The following FRMPD4 variants were observed in gnomAD, a reference collection of about 807,000 sequenced individuals.
The protein encoded by FRMPD4 is FERM and PDZ domain-containing protein 4.
In FRMPD4, 22 loss-of-function variants were observed where a neutral mutation model predicts 94.1. That is an observed-to-expected ratio of 0.23 (90% CI 0.17 to 0.33). FRMPD4 has a LOEUF of 0.33. Ranked by LOEUF, FRMPD4 falls within the 10% of genes least tolerant of loss-of-function variation. The pLI, the probability that FRMPD4 is intolerant of heterozygous loss-of-function variation, is 1.00. For missense variants in FRMPD4, 1,111 were observed against 1,339.9 expected, an observed-to-expected ratio of 0.83 and a Z score of 2.67; for synonymous variants, 631 against 548.6, an observed-to-expected ratio of 1.15 and a Z score of -2.10.
intron 2 of FRMPD4, among the ~76,000 whole-genome samples, chrX:12,576,917 C>T (rs917013838): frequency 5.4e-5 from 6 of 112,040 alleles, no homozygotes; most frequent in African/African-American, 1.9e-4. Flanking sequence ...TGTCTGTCAC[C>T]TGGACTGGTC....
At chrX:12,309,929 G>C (rs2055005238) in intron 1 of FRMPD4, among the ~76,000 whole-genome samples, 2 of 112,212 alleles carry the variant, frequency 1.8e-5, no homozygotes, top group Admixed American at 9.4e-5. Context: ...TGCTTGTGCA[G>C]GAGCAAAGCT....
At chrX:12,186,904 C>G (rs1048074367) in intron 1 of FRMPD4, among the ~76,000 whole-genome samples, 1 of 111,925 alleles carries the variant, frequency 8.9e-6, no homozygotes, top group African/African-American at 3.3e-5. Flanking sequence ...TAACCTTTCT[C>G]TTATGTCTCG....
intron 3 of FRMPD4, among the ~76,000 whole-genome samples, chrX:11,968,226 G>A (rs2054321718): frequency 9.0e-6 from 1 of 111,588 alleles, no homozygotes; most frequent in East Asian, 2.8e-4. Context: ...TCTAGTTCAT[G>A]ATAAAAGCTA....
At chrX:12,306,181 C>G (rs989617022) in intron 1 of FRMPD4, among the ~76,000 whole-genome samples, 1 of 110,485 alleles carries the variant, frequency 9.1e-6, no homozygotes, top group African/African-American at 3.3e-5. Flanking sequence ...GCTATTTTTA[C>G]AGAAATTATT....
At chrX:12,332,639 A>G (rs1023489171) in intron 1 of FRMPD4, among the ~76,000 whole-genome samples, 3 of 111,683 alleles carry the variant, frequency 2.7e-5, no homozygotes, top group African/African-American at 9.7e-5. Context: ...TTTTCACCCA[A>G]ACTTGAATTG....
At chrX:11,901,107 G>C (rs1048998051) in intron 3 of FRMPD4, among the ~76,000 whole-genome samples, 1 of 111,602 alleles carries the variant, frequency 9.0e-6, no homozygotes, top group Admixed American at 9.5e-5. Flanking sequence ...TGCTTGTTTT[G>C]ATTTATTTCA....
chrX:12,049,900 A>T (rs1247830387), intron 3 of FRMPD4, among the ~76,000 whole-genome samples: 4 of 111,849 alleles, frequency 3.6e-5, no homozygotes, highest in East Asian at 2.8e-4. Context: ...AACAGTATTA[A>T]AATAGAAAAA....
At chrX:12,638,402 A>G (rs1273619227) in intron 4 of FRMPD4, among the ~76,000 whole-genome samples, 1 of 110,860 alleles carries the variant, frequency 9.0e-6, no homozygotes, top group Non-Finnish European at 1.9e-5. Context: ...ATGCCCAGCT[A>G]ATTTTTTTTC....
intron 1 of FRMPD4, among the ~76,000 whole-genome samples, chrX:11,827,495 T>C (rs1057324309): frequency 5.4e-5 from 6 of 111,288 alleles, no homozygotes; most frequent in Non-Finnish European, 7.5e-5. Context: ...GGAGTTCCAG[T>C]GGTTGTTTTG....
intron 4 of FRMPD4, among the ~76,000 whole-genome samples, chrX:12,663,041 A>G (rs6530553): frequency 0.35 from 38,771 of 110,632 alleles, 5,061 homozygotes; most frequent in East Asian, 0.63. Flanking sequence ...CCATTTTTTG[A>G]TAGGGTTGTT....
intron 1 of FRMPD4, among the ~76,000 whole-genome samples, chrX:12,195,718 C>T (rs1037857776): frequency 9.0e-6 from 1 of 111,540 alleles, no homozygotes; most frequent in East Asian, 2.9e-4. Flanking sequence ...TCCCAGGAGC[C>T]AGCCAAGGAC....
chrX:12,092,317 C>CA (rs2055160057), intron 3 of FRMPD4, among the ~76,000 whole-genome samples: 1 of 112,175 alleles, frequency 8.9e-6, no homozygotes, highest in African/African-American at 3.2e-5. Context: ...ATAATTAGCT[C>CA]AAAAAATAGT....
At chrX:12,675,004 A>G (rs113303439) in intron 5 of FRMPD4, 96 bp downstream of exon 5, 51,445 of 616,744 alleles carry the variant, frequency 0.083, 1,606 homozygotes, top group Middle Eastern at 0.14. Flanking sequence ...ATAACAGCAG[A>G]GAAAAATAAC....
At chrX:12,260,947 C>A (rs1439067629) in intron 1 of FRMPD4, among the ~76,000 whole-genome samples, 3 of 111,462 alleles carry the variant, frequency 2.7e-5, no homozygotes, top group Admixed American at 1.9e-4. Flanking sequence ...CCAAACAGCC[C>A]TCCCCTGGGC....
At chrX:12,520,089 T>C (rs1226079324) in intron 2 of FRMPD4, among the ~76,000 whole-genome samples, 2 of 112,426 alleles carry the variant, frequency 1.8e-5, no homozygotes, top group Non-Finnish European at 3.8e-5. Flanking sequence ...AAGAGGTATT[T>C]GCATACTTTT....
At chrX:12,483,375 T>C (rs1042733787) in intron 1 of FRMPD4, among the ~76,000 whole-genome samples, 11 of 111,753 alleles carry the variant, frequency 9.8e-5, no homozygotes, top group African/African-American at 3.6e-4. Flanking sequence ...TTATATTGGG[T>C]TGGAGTTCTC....
chrX:11,929,779 G>A (rs777768251), intron 3 of FRMPD4, among the ~76,000 whole-genome samples: 2 of 111,124 alleles, frequency 1.8e-5, no homozygotes, highest in South Asian at 3.9e-4. Flanking sequence ...TGGGAAGTCT[G>A]GAAAATGCAA....
At chrX:12,671,138 G>A (rs1257288856) in intron 4 of FRMPD4, among the ~76,000 whole-genome samples, 1 of 111,909 alleles carries the variant, frequency 8.9e-6, no homozygotes, top group African/African-American at 3.3e-5. Flanking sequence ...ACTGTTGGTG[G>A]GAGTGTAAAT....
intron 1 of FRMPD4, among the ~76,000 whole-genome samples, chrX:12,242,194 T>A (rs2053886545): frequency 9.0e-6 from 1 of 111,686 alleles, no homozygotes; most frequent in Non-Finnish European, 1.9e-5. Flanking sequence ...AGATTCAGTG[T>A]ATGGGCCCAC....
Sources: allele counts gnomAD v4.1 joint callset (sites outside exome capture counted in the v4.1 genomes callset), GRCh38; gene constraint gnomAD v4.1.1; transcripts MANE v1.5; gene names NCBI Gene and HGNC (gene_info 2026-07-23, HGNC 2026-07-21).